The following B3GALT1 variants were observed in gnomAD, a reference collection of about 807,000 sequenced individuals.
B3GALT1 encodes the protein UDP-Gal:betaGlcNAc beta 1,3-galactosyltransferase, polypeptide 1.
In B3GALT1, 10 loss-of-function variants were observed where a neutral mutation model predicts 23.2. That is an observed-to-expected ratio of 0.43 (90% CI 0.27 to 0.73). The LOEUF (loss-of-function observed/expected upper bound fraction) is 0.73, where lower values mean the gene tolerates loss of function less well. Among genes scored for constraint, B3GALT1 ranks in the 30% least tolerant of loss-of-function variants. The pLI, the probability that B3GALT1 is intolerant of heterozygous loss-of-function variation, is 0.21. For synonymous variants in B3GALT1, 156 were observed against 141.5 expected (o/e 1.10, Z -0.73); for missense variants, 299 against 405.4 (o/e 0.74, Z 2.25).
intron 2 of B3GALT1, among the ~76,000 whole-genome samples, chr2:167,504,241 G>A (rs1699887424): frequency 6.6e-6 from 1 of 152,122 alleles, no homozygotes; most frequent in African/African-American, 2.4e-5. Context: ...AGTTGGCCTT[G>A]TTTACTTAGT....
intron 2 of B3GALT1, among the ~76,000 whole-genome samples, chr2:167,607,334 A>G (rs548178368): frequency 1.2e-4 from 18 of 152,264 alleles, no homozygotes; most frequent in African/African-American, 4.3e-4. Context: ...TGGCTTTTGG[A>G]GTCTCTCCTG....
intron 3 of B3GALT1, among the ~76,000 whole-genome samples, chr2:167,752,292 A>G (rs1018389966): frequency 3.3e-5 from 5 of 152,168 alleles, no homozygotes; most frequent in Admixed American, 6.6e-5. Context: ...TTAACCTTAT[A>G]TGTATATTTA....
intron 1 of B3GALT1, among the ~76,000 whole-genome samples, chr2:167,407,353 G>A (rs558747247): frequency 2.0e-5 from 3 of 152,060 alleles, no homozygotes; most frequent in Non-Finnish European, 2.9e-5. Context: ...CACTAAGAGC[G>A]AAGTTGATAG....
intron 2 of B3GALT1, among the ~76,000 whole-genome samples, chr2:167,558,716 G>A (rs1683902664): frequency 6.6e-6 from 1 of 152,230 alleles, no homozygotes; most frequent in South Asian, 2.1e-4. Context: ...TAGCACAGCA[G>A]TCTGAGATCA....
intron 1 of B3GALT1, among the ~76,000 whole-genome samples, chr2:167,297,874 T>A (rs1696380283): frequency 6.6e-6 from 1 of 152,096 alleles, no homozygotes; most frequent in South Asian, 2.1e-4. Flanking sequence ...AGGACAATAG[T>A]GCAGGGTACA....
intron 2 of B3GALT1, among the ~76,000 whole-genome samples, chr2:167,560,870 C>A (rs566627659): frequency 3.3e-5 from 5 of 152,082 alleles, no homozygotes; most frequent in South Asian, 2.1e-4. Context: ...GACTTTAACA[C>A]CCCACTGTCA....
chr2:167,378,207 G>A (rs568877983), intron 1 of B3GALT1, among the ~76,000 whole-genome samples: 104 of 152,186 alleles, frequency 6.8e-4, no homozygotes, highest in African/African-American at 2.4e-3. Context: ...GCTTGATGGG[G>A]TTCCCTTAGT....
intron 3 of B3GALT1, among the ~76,000 whole-genome samples, chr2:167,784,716 A>T (rs1403531709): frequency 6.6e-6 from 1 of 152,220 alleles, no homozygotes; most frequent in East Asian, 1.9e-4. Flanking sequence ...CTACGTAAAT[A>T]CTTAGAAAGC....
intron 3 of B3GALT1, among the ~76,000 whole-genome samples, chr2:167,748,875 G>A (rs1006243894): frequency 5.9e-5 from 9 of 152,254 alleles, no homozygotes; most frequent in African/African-American, 2.2e-4. Context: ...AATAATAAGT[G>A]ATGAGAATCA....
At chr2:167,567,342 C>T (rs1487231724) in intron 2 of B3GALT1, among the ~76,000 whole-genome samples, 1 of 151,952 alleles carries the variant, frequency 6.6e-6, no homozygotes, top group Non-Finnish European at 1.5e-5. Context: ...TAGGAGTTGT[C>T]TTTTATTATG....
At chr2:167,822,883 A>G (rs1198025254) in intron 4 of B3GALT1, among the ~76,000 whole-genome samples, 1 of 152,226 alleles carries the variant, frequency 6.6e-6, no homozygotes, top group Non-Finnish European at 1.5e-5. Context: ...AGGGTGGGAC[A>G]GAGAATGCTG....
intron 2 of B3GALT1, among the ~76,000 whole-genome samples, chr2:167,494,125 A>G (rs981905500): frequency 3.3e-5 from 5 of 152,146 alleles, no homozygotes; most frequent in Non-Finnish European, 2.9e-5. Context: ...AGATTGTCCT[A>G]AGAGTCTGAA....
intron 1 of B3GALT1, among the ~76,000 whole-genome samples, chr2:167,449,453 A>G (rs923365126): frequency 1.3e-5 from 2 of 152,174 alleles, no homozygotes; most frequent in Non-Finnish European, 2.9e-5. Context: ...TTGTGTCCTG[A>G]AACATTGCTG....
At chr2:167,550,963 G>A (rs1229037402) in intron 2 of B3GALT1, among the ~76,000 whole-genome samples, 2 of 152,102 alleles carry the variant, frequency 1.3e-5, no homozygotes, top group African/African-American at 2.4e-5. Flanking sequence ...CAGGGACCCC[G>A]TTCCTTCAAT....
intron 3 of B3GALT1, among the ~76,000 whole-genome samples, chr2:167,665,515 T>C (rs933102551): frequency 4.0e-5 from 6 of 151,410 alleles, no homozygotes; most frequent in African/African-American, 9.8e-5. Context: ...TTTCTATTGA[T>C]TGGAATAGTT....
chr2:167,576,808 G>A (rs928797163), intron 2 of B3GALT1, among the ~76,000 whole-genome samples: 2 of 151,650 alleles, frequency 1.3e-5, no homozygotes, highest in African/African-American at 2.4e-5. Context: ...TAGGGAGAGA[G>A]GATGAGGGAA....
intron 1 of B3GALT1, among the ~76,000 whole-genome samples, chr2:167,455,047 C>T (rs372853002): frequency 4.5e-4 from 68 of 152,306 alleles, no homozygotes; most frequent in Non-Finnish European, 7.9e-4. Context: ...AATTTACTGA[C>T]TAACTTCATT....
chr2:167,730,410 G>A (rs753345318), intron 3 of B3GALT1, among the ~76,000 whole-genome samples: 3 of 151,920 alleles, frequency 2.0e-5, no homozygotes, highest in African/African-American at 4.8e-5. Context: ...ACCTTCTCAC[G>A]GTGCTAACAT....
At chr2:167,768,449 C>T (rs1688013897) in intron 3 of B3GALT1, among the ~76,000 whole-genome samples, 1 of 152,246 alleles carries the variant, frequency 6.6e-6, no homozygotes, top group South Asian at 2.1e-4. Flanking sequence ...AAAAAACCTC[C>T]TTACTCAGTA....
Sources: gnomAD v4.1 joint callset for allele counts (sites outside exome capture counted in the v4.1 genomes callset) on GRCh38, gnomAD v4.1.1 for gene constraint, MANE v1.5 for transcripts, NCBI Gene and HGNC (gene_info 2026-07-23, HGNC 2026-07-21) for gene names.